Variants in SIDT2 observed in about 807,000 individuals in gnomAD.
The protein encoded by SIDT2 is SID1 transmembrane family, member 2.
A neutral mutation model predicts 114.4 loss-of-function variants in SIDT2; 68 were observed. The observed-to-expected ratio is 0.59, with a 90% CI of 0.49 to 0.73. The LOEUF (loss-of-function observed/expected upper bound fraction) is 0.73. Among genes scored for constraint, SIDT2 ranks in the 30% least tolerant of loss-of-function variants. The probability of loss-of-function intolerance (pLI) is 0.00; values close to 1 mark genes in which losing one functional copy is unlikely to be tolerated. For missense variants in SIDT2, 918 were observed against 1,097.1 expected (o/e 0.84, Z 2.31); for synonymous variants, 470 against 438.4 (o/e 1.07, Z -0.90).
rs778670756 is a variant in SIDT2 at position 117,195,999 on chromosome 11, C to G, written c.2437-5C>G. 6.2e-7 allele frequency: 1 copy of G among 1,614,224 alleles called. No homozygotes were observed. ...TCTGTGGCTGATCTGGCGTCCACAC[C>G]CCAGGTGTTGCTGACACTGGATGAC... On this transcript the variant is annotated splice_polypyrimidine_tract_variant and splice_region_variant and intron_variant, in intron 25 of 25. Transcript: ENST00000324225.
rs1251683576 is a variant in SIDT2 at position 117,179,233 on chromosome 11, C to T, written c.-31C>T. 2.5e-6 allele frequency: 4 copies of T among 1,597,098 alleles called. No individual in the cohort carries two copies. Among genetic ancestry groups the T allele is most frequent in the African/African-American group, 1.3e-5 (1 of 74,174 alleles). On this transcript the variant is annotated 5_prime_UTR_variant, in exon 1 of 26. Coordinates refer to ENST00000324225, the MANE Select transcript of SIDT2 (RefSeq NM_001040455.2). The stretch of plus-strand genomic sequence containing the variant: ...TCTCCTGTCGCCGCCGCCGCCGCCA[C>T]CACCGCTGCCACTGCCGCCCTGCCG...
At position 117,179,224 on chromosome 11, in the gene SIDT2, C is replaced by T. The variant is rs2030159829; in HGVS notation, c.-40C>T. On this transcript the variant is annotated 5_prime_UTR_variant, in exon 1 of 26. Transcript: ENST00000324225. ...GGTGTCCTGTCTCCTGTCGCCGCCG[C>T]CGCCGCCACCACCGCTGCCACTGCC... 6.3e-7 allele frequency: 1 copy of T among 1,590,322 alleles called. No homozygotes were observed. The highest frequency in any genetic ancestry group is 8.5e-7 in the Non-Finnish European group (1 of 1,170,014).
Position 117,193,180 on chromosome 11 carries a change from C to T in SIDT2, c.2133C>T (p.Pro711=), listed in dbSNP as rs1391545871. 2 of 1,614,174 alleles carry T rather than the reference C, an allele frequency of 1.2e-6. No homozygotes were observed. The highest frequency in any genetic ancestry group is 2.2e-5 in the East Asian group (1 of 44,874). Residue 711 remains proline (P), a synonymous_variant, in exon 23 of 26, where the codon CCC becomes CCT. Transcript: ENST00000324225. ...SLAAYGLIMR[P]NDFASYLLAI... is the part of the protein sequence containing the mutation. ...CTGCCTATGGGCTTATCATGCGCCC[C>T]AATGATTTCGCTTCCTACTTGTTGG...
intron 24 of SIDT2, 74 bp downstream of exon 24, chr11:117,194,037 T>TG: frequency 8.3e-7 from 1 of 1,197,634 alleles, no homozygotes; most frequent in East Asian, 2.4e-5. Context: ...GGGCTGAGCC[T>TG]GGGATTACCT....
rs1164825981 is a variant in SIDT2 at position 117,179,045 on chromosome 11, C to CCCGCCCCCTCCCGG, written c.-206_-193dup. 2 of 581,772 alleles carry CCCGCCCCCTCCCGG rather than the reference C, an allele frequency of 3.4e-6. No homozygotes were observed. The highest frequency in any genetic ancestry group is 1.9e-5 in the African/African-American group (1 of 53,298). 36.0% of individuals were successfully genotyped at this position (581,772 alleles called of 1,614,324 possible). A position where few individuals can be genotyped will look rare whatever the true frequency, so the allele number is the denominator to read the frequency against. On this transcript the variant is annotated 5_prime_UTR_variant, in exon 1 of 26. Transcript: ENST00000324225. The stretch of plus-strand genomic sequence containing the variant: ...TCCCGTAGCCAGCATCCCCTCCCTC[C>CCCGCCCCCTCCCGG]CCGCCCCCTCCCGGCCGCCCCCTCC...
intron 11 of SIDT2, 59 bp from the exon 12 acceptor site, chr11:117,187,569 T>C: frequency 1.2e-6 from 2 of 1,600,226 alleles, no homozygotes; most frequent in Non-Finnish European, 1.7e-6. Flanking sequence ...CTGCAGATGC[T>C]CAGAGCCCCT....
intron 11 of SIDT2, 27 bp from the exon 12 acceptor site, chr11:117,187,601 T>A (rs1170504780): frequency 6.2e-7 from 1 of 1,613,502 alleles, no homozygotes; most frequent in Admixed American, 1.7e-5. Context: ...CTCTCCTTCC[T>A]GCCTCACCAC....
chr11:117,189,724 A>G (rs1200884439), intron 15 of SIDT2: 4 of 599,916 alleles, frequency 6.7e-6, no homozygotes, highest in Non-Finnish European at 1.2e-5. Flanking sequence ...AAGAACTTCC[A>G]TCACGGTCAT....
Position 117,181,396 on chromosome 11 carries a change from A to C in SIDT2, c.184-20A>C. 6.2e-7 allele frequency: 1 copy of C among 1,613,012 alleles called. No homozygotes were observed. Among genetic ancestry groups the C allele is most frequent in the South Asian group, 1.1e-5 (1 of 91,046 alleles). On this transcript the variant is annotated intron_variant, in intron 1 of 25. Transcript: ENST00000324225. ...CCCTGGTGGCAGAGGCTTGAGAGGC[A>C]TTTCCATGTCGTTCTGCAGACAGAG... is the stretch of plus-strand genomic sequence containing the variant.
intron 8 of SIDT2, among the ~76,000 whole-genome samples, chr11:117,184,779 G>T (rs971686737): frequency 1.3e-5 from 2 of 152,140 alleles, no homozygotes; most frequent in African/African-American, 4.8e-5. Context: ...AGGCTGTAAT[G>T]CAGTGGCAAG....
At chr11:117,189,913 T>G (rs372828254) in intron 15 of SIDT2, 39 bp from the exon 16 acceptor site, 1 of 1,605,812 alleles carries the variant, frequency 6.2e-7, no homozygotes. Flanking sequence ...GAGTTGGGCG[T>G]GACGACAGAC....
At chr11:117,182,163 T>C in intron 4 of SIDT2, 58 bp downstream of exon 4, 1 of 1,596,018 alleles carries the variant, frequency 6.3e-7, no homozygotes, top group Non-Finnish European at 8.6e-7. Context: ...AATATGAGAA[T>C]GGGAGTGGCC....
chr11:117,193,884 C>A lies in SIDT2; in HGVS notation c.2243C>A (p.Pro748His). ...AGTGGGGAGAGGATCAAGCTCATCC[C>A]CCTGCTCTGCATCGTTTGCACCTCC... is the stretch of plus-strand genomic sequence containing the variant. ...LRSGERIKLI[P>H]LLCIVCTSVV... The change falls in exon 24 of 26, where the codon CCC (proline) becomes CAC (histidine). Residue 748 changes from proline to histidine, a missense_variant. By Grantham distance (77) the Pro-to-His change is moderately conservative (BLOSUM62 -2). Transcript: ENST00000324225. 1 of 1,614,102 alleles carries A rather than the reference C, an allele frequency of 6.2e-7. No individual in the cohort carries two copies. Among genetic ancestry groups the A allele is most frequent in the South Asian group, 1.1e-5 (1 of 91,082 alleles).
At position 117,192,043 on chromosome 11, in the gene SIDT2, T is replaced by G. The variant is rs377465037; in HGVS notation, c.1872+29T>G. Reference sequence around the variant, plus strand: ...AGGGCCTGACCTGCTCTGCTCAGCCTGTATGATAGGAAAGGTGCACGTGCG... The same window carrying G: ...AGGGCCTGACCTGCTCTGCTCAGCCGGTATGATAGGAAAGGTGCACGTGCG... On this transcript the variant is annotated intron_variant, in intron 19 of 25. Transcript: ENST00000324225. The surrounding 1 kb of genome is among the most constrained non-coding windows in gnomAD (Gnocchi z 5.9). 6.2e-7 allele frequency: 1 copy of G among 1,612,922 alleles called. No homozygotes were observed. The highest frequency in any genetic ancestry group is 1.3e-5 in the African/African-American group (1 of 74,896).
chr11:117,180,429 C>G (rs2030234851), intron 1 of SIDT2, among the ~76,000 whole-genome samples: 1 of 152,078 alleles, frequency 6.6e-6, no homozygotes, highest in African/African-American at 2.4e-5. Context: ...TTTCAGCAGC[C>G]CAATAACAAG....
chr11:117,182,445 G>A, intron 4 of SIDT2, 74 bp from the exon 5 acceptor site: 1 of 1,344,104 alleles, frequency 7.4e-7, no homozygotes, highest in South Asian at 1.2e-5. Flanking sequence ...GCTTATAGGG[G>A]ACTATTCCCT....
chr11:117,193,328 C>A, intron 23 of SIDT2, 70 bp downstream of exon 23: 1 of 1,297,432 alleles, frequency 7.7e-7, no homozygotes, highest in Non-Finnish European at 1.1e-6. Flanking sequence ...GGCCCGGCAG[C>A]ATTGAGGGGC....
rs918062597 is a variant in SIDT2 at position 117,192,892 on chromosome 11, T to G, written c.2105+26T>G. On this transcript the variant is annotated intron_variant, in intron 22 of 25. Transcript: ENST00000324225. This position sits in a 1 kb window ranked among gnomAD's most constrained non-coding sequence, Gnocchi z 5.9. ...GTGAGTATGGTCAGCAGTAGTGGCC[T>G]GGTTGGGTGGACAGCTGGGGACTCG... 1.1e-5 allele frequency: 17 copies of G among 1,613,922 alleles called. No individual in the cohort carries two copies. The highest frequency in any genetic ancestry group is 1.6e-4 in the Middle Eastern group (1 of 6,084).
At chr11:117,186,761 T>C in intron 10 of SIDT2, 125 bp downstream of exon 10, 69 of 624,500 alleles carry the variant, frequency 1.1e-4, no homozygotes, top group East Asian at 1.4e-4. Context: ...CAGATGGGGG[T>C]AACACTCCAC....
Sources: gnomAD v4.1 joint callset for allele counts (sites outside exome capture counted in the v4.1 genomes callset) on GRCh38, gnomAD v4.1.1 for gene constraint, Gnocchi (gnomAD v3.1) non-coding constraint, MANE v1.5 for transcripts, NCBI Gene and HGNC (gene_info 2026-07-23, HGNC 2026-07-21) for gene names.